DLG1: variants seen among roughly 807,000 people sequenced by gnomAD.
DLG1 encodes disks large homolog 1.
In DLG1, 42 loss-of-function variants were observed where a neutral mutation model predicts 123.4. The observed-to-expected ratio is 0.34, with a 90% CI of 0.27 to 0.44. DLG1 has a LOEUF of 0.44. Among genes scored for constraint, DLG1 ranks in the 20% least tolerant of loss-of-function variants. The pLI is 1.00. For synonymous variants in DLG1, 317 were observed against 356.2 expected (o/e 0.89, Z 1.24); for missense variants, 942 against 1,082.6 (o/e 0.87, Z 1.82).
intron 5 of DLG1, among the ~76,000 whole-genome samples, chr3:197,190,414 A>T (rs1577811485): frequency 1.3e-5 from 2 of 152,272 alleles, no homozygotes; most frequent in African/African-American, 2.4e-5. Context: ...ACAGGAAGTC[A>T]GCCCTCTGTA....
In DLG1 at chr3:197,162,506, C is replaced by A. The variant is rs192638041; in HGVS notation, c.484-12710G>T. On this transcript the variant is annotated intron_variant, in intron 5 of 24. Transcript: ENST00000667157. ...TTAACAGGCCTTAAAACAGGAAGAA[C>A]AAATTGCCAGACTAAAAAAAGGGCT... Among the ~76,000 whole-genome samples, 766 of 152,126 alleles carry A rather than the reference C, an allele frequency of 5.0e-3. 3 individuals are homozygous for A. The highest frequency in any genetic ancestry group is 0.018 in the African/African-American group (735 of 41,498).
chr3:197,084,319 T>G (rs953522662), intron 16 of DLG1, among the ~76,000 whole-genome samples: 22 of 136,124 alleles, frequency 1.6e-4, no homozygotes, highest in Admixed American at 4.3e-4. Context: ...TTTTGTTGTT[T>G]TTTTTTTTTT....
intron 4 of DLG1, among the ~76,000 whole-genome samples, chr3:197,225,043 G>A (rs573486702): frequency 6.6e-6 from 1 of 152,256 alleles, no homozygotes; most frequent in Non-Finnish European, 1.5e-5. Context: ...TGCAAGCTCC[G>A]CCTCCTGGGT....
At chr3:197,259,175 A>C (rs1022820802) in intron 4 of DLG1, among the ~76,000 whole-genome samples, 4 of 152,170 alleles carry the variant, frequency 2.6e-5, no homozygotes, top group Non-Finnish European at 4.4e-5. Flanking sequence ...TTAGAGAGGG[A>C]AAAAGCAACA....
intron 14 of DLG1, among the ~76,000 whole-genome samples, chr3:197,102,365 A>G (rs1763951767): frequency 6.6e-6 from 1 of 152,212 alleles, no homozygotes; most frequent in South Asian, 2.1e-4. Flanking sequence ...ATGTATATAT[A>G]TAAGATTATC....
At chr3:197,146,522 CA>C (rs1319799929) in intron 6 of DLG1, among the ~76,000 whole-genome samples, 1 of 152,108 alleles carries the variant, frequency 6.6e-6, no homozygotes, top group Non-Finnish European at 1.5e-5. Flanking sequence ...TGATCTTTGA[CA>C]AAGCAAACAA....
In DLG1 at chr3:197,269,890, G is replaced by A. The variant is rs543858003; in HGVS notation, c.318+12789C>T. Among the ~76,000 whole-genome samples, 4 of 152,170 alleles carry A rather than the reference G, an allele frequency of 2.6e-5. No individual in the cohort carries two copies. The South Asian group carries it at 6.2e-4, about 24-fold the overall frequency. On this transcript the variant is annotated intron_variant, in intron 4 of 24. Transcript: ENST00000667157. ...TTAAGAAAGGAAGACAAAGCATATT[G>A]TATTCATTTTAAAATATTAATATTG...
intron 23 of DLG1, among the ~76,000 whole-genome samples, chr3:197,056,112 T>G (rs1731502052): frequency 6.6e-6 from 1 of 152,142 alleles, no homozygotes; most frequent in Admixed American, 6.5e-5. Flanking sequence ...GTCATAAGCC[T>G]TCAATAGACT....
chr3:197,086,872 CATT>C (rs1754700913), intron 15 of DLG1, among the ~76,000 whole-genome samples: 1 of 152,114 alleles, frequency 6.6e-6, no homozygotes, highest in Admixed American at 6.6e-5. Flanking sequence ...TAACTTCTTA[CATT>C]ATTATAAAAA....
At chr3:197,107,947 T>C (rs1213239506) in intron 13 of DLG1, among the ~76,000 whole-genome samples, 1 of 152,192 alleles carries the variant, frequency 6.6e-6, no homozygotes, top group African/African-American at 2.4e-5. Context: ...ATGTCAGCTA[T>C]AGGGTTTCCA....
At chr3:197,053,673 G>A (rs1205402321) in intron 23 of DLG1, among the ~76,000 whole-genome samples, 1 of 151,708 alleles carries the variant, frequency 6.6e-6, no homozygotes, top group Non-Finnish European at 1.5e-5. Flanking sequence ...TAGGGAGGCT[G>A]AGGCAAGAGA....
rs1560878823 is a variant in DLG1 at position 197,127,484 on chromosome 3, ATATATATAT to A, written c.1165+3034_1165+3042del. ...TATATATATATATATATATATATAT[ATATATATAT>A]ATAAAGTAAGAAACCTAAAAATACG... is the stretch of plus-strand genomic sequence containing the variant. On this transcript the variant is annotated intron_variant, in intron 11 of 24. Transcript: ENST00000667157. Among the ~76,000 whole-genome samples, 11 of 96,466 alleles carry A rather than the reference ATATATATAT, an allele frequency of 1.1e-4. 1 individual carries two copies. The highest frequency in any genetic ancestry group is 4.9e-4 in the African/African-American group (11 of 22,504). 63.3% of individuals were successfully genotyped at this position (96,466 alleles called of 152,430 possible).
At chr3:197,292,987 C>T (rs1775667872) in intron 3 of DLG1, among the ~76,000 whole-genome samples, 1 of 152,156 alleles carries the variant, frequency 6.6e-6, no homozygotes, top group Non-Finnish European at 1.5e-5. Flanking sequence ...AGATCCCACA[C>T]ACCTTAGAAT....
At chr3:197,242,359 C>G (rs751315017) in intron 4 of DLG1, among the ~76,000 whole-genome samples, 5 of 152,086 alleles carry the variant, frequency 3.3e-5, no homozygotes, top group Non-Finnish European at 7.4e-5. Flanking sequence ...TAATACCCTA[C>G]TCTCAGAAAT....
At chr3:197,157,872 A>C (rs1017972658) in intron 5 of DLG1, among the ~76,000 whole-genome samples, 3 of 152,228 alleles carry the variant, frequency 2.0e-5, no homozygotes, top group Non-Finnish European at 4.4e-5. Flanking sequence ...CAGAATCCAG[A>C]AATAAATGCC....
chr3:197,154,605 G>A (rs1795502534), intron 5 of DLG1, among the ~76,000 whole-genome samples: 2 of 152,164 alleles, frequency 1.3e-5, no homozygotes, highest in East Asian at 3.9e-4. Flanking sequence ...AACCCGGGAG[G>A]CGGAGCTTGC....
At chr3:197,140,316 C>G (rs1436218321) in intron 7 of DLG1, 52 bp from the exon 8 acceptor site, 2 of 1,585,532 alleles carry the variant, frequency 1.3e-6, no homozygotes, top group Non-Finnish European at 8.6e-7. Flanking sequence ...TCTTTATGGA[C>G]AGGTTCCTGT....
At chr3:197,291,506 T>G (rs1050925633) in intron 3 of DLG1, among the ~76,000 whole-genome samples, 1 of 152,236 alleles carries the variant, frequency 6.6e-6, no homozygotes, top group South Asian at 2.1e-4. Context: ...AATGCACCAT[T>G]ATAAATATTT....
chr3:197,203,197 G>A lies in DLG1; in HGVS notation c.319-8608C>T, dbSNP rs188589561. 1.2e-4 allele frequency among the ~76,000 whole-genome samples: 19 copies of A among 152,234 alleles called. No homozygotes were observed. The East Asian group carries it at 3.5e-3, about 28-fold the overall frequency. On this transcript the variant is annotated intron_variant, in intron 4 of 24. Transcript: ENST00000667157. ...GAGAACTGCTTGAGCCCGGGAGGTT[G>A]AGGCTGCAGTGAGCCATGATCACAC...
Sources: gnomAD v4.1 joint callset for allele counts (sites outside exome capture counted in the v4.1 genomes callset) on GRCh38, gnomAD v4.1.1 for gene constraint, MANE v1.5 for transcripts, NCBI Gene and HGNC (gene_info 2026-07-23, HGNC 2026-07-21) for gene names.